Variants in SEL1L3 observed in about 807,000 individuals in gnomAD.
The protein encoded by SEL1L3 is SEL1L family member 3.
SEL1L3 carries 76 observed loss-of-function variants against 142.8 expected under a neutral mutation model. The ratio of observed to expected loss-of-function variants is 0.53; its 90% CI spans 0.44 to 0.64. The LOEUF is 0.64. SEL1L3 is among the 30% of genes least tolerant of loss of function. The pLI is 0.00. For missense variants in SEL1L3, 1,262 were observed against 1,381.7 expected (o/e 0.91, Z 1.37); for synonymous variants, 504 against 519.6 (o/e 0.97, Z 0.41).
chr4:25,761,066 C>T (rs193133767), intron 20 of SEL1L3, among the ~76,000 whole-genome samples: 8 of 152,238 alleles, frequency 5.3e-5, no homozygotes, highest in Admixed American at 4.6e-4. Context: ...CGTTAAGTAT[C>T]TTTAAGATGC....
At chr4:25,795,639 G>A (rs1248539116) in intron 11 of SEL1L3, among the ~76,000 whole-genome samples, 1 of 152,176 alleles carries the variant, frequency 6.6e-6, no homozygotes, top group Non-Finnish European at 1.5e-5. Context: ...CAGCCAGTGA[G>A]TAGCAGACCC....
rs754813896 is a variant in SEL1L3 at position 25,784,290 on chromosome 4, C to T, written c.2218G>A (p.Gly740Ser). The stretch of plus-strand genomic sequence containing the variant: ...CGTCTGTTCTTTTTTACTCCTTGAC[C>T]CTAAACATTGATAAACAGCGATGAT... Reference protein sequence around the residue: ...IYDYAIVLFKGQGVKKNRRLA... With the variant: ...IYDYAIVLFKSQGVKKNRRLA... Residue 740 changes from glycine to serine, a missense_variant and splice_region_variant, in exon 14 of 24, where the codon GGT becomes AGT. This residue lies in a region of SEL1L3 where 435 missense variants were observed against 559.2 expected (regional missense o/e 0.78). Transcript: ENST00000399878. 1 of 1,612,894 alleles carries T rather than the reference C, an allele frequency of 6.2e-7. No individual in the cohort carries two copies. The highest frequency in any genetic ancestry group is 1.1e-5 in the South Asian group (1 of 91,054).
intron 6 of SEL1L3, among the ~76,000 whole-genome samples, chr4:25,823,976 G>C (rs2109265816): frequency 6.6e-6 from 1 of 152,288 alleles, no homozygotes; most frequent in Non-Finnish European, 1.5e-5. Context: ...GGCAGCAACA[G>C]CTGACAGCAG....
At chr4:25,735,412 A>G in the SEL1L3 span, among the ~76,000 whole-genome samples, 67 of 152,012 alleles carry the variant, frequency 4.4e-4, no homozygotes, top group Non-Finnish European at 8.7e-4. Flanking sequence ...GATATTGGGA[A>G]TTTTGTGTCT....
At chr4:25,761,688 A>G (rs1309070383) in intron 20 of SEL1L3, among the ~76,000 whole-genome samples, 1 of 152,268 alleles carries the variant, frequency 6.6e-6, no homozygotes, top group African/African-American at 2.4e-5. Context: ...AAATGTAAAA[A>G]GTAAATTATC....
chr4:25,810,426 C>T (rs1713944000), intron 9 of SEL1L3, among the ~76,000 whole-genome samples: 3 of 152,140 alleles, frequency 2.0e-5, no homozygotes, highest in African/African-American at 7.2e-5. Flanking sequence ...TGCCAGAGCC[C>T]CATTCAAAGG....
chr4:25,863,231 C>A (rs1350618835), upstream of SEL1L3, among the ~76,000 whole-genome samples: 1 of 115,854 alleles, frequency 8.6e-6, no homozygotes, highest in Non-Finnish European at 1.9e-5. Context: ...GCGCACCCCC[C>A]TTTCCCTTTC....
At chr4:25,795,958 G>A (rs1577617134) in intron 11 of SEL1L3, among the ~76,000 whole-genome samples, 1 of 152,090 alleles carries the variant, frequency 6.6e-6, no homozygotes, top group African/African-American at 2.4e-5. Flanking sequence ...GGTGTGTGGG[G>A]TAGGGGCAGA....
intron 11 of SEL1L3, among the ~76,000 whole-genome samples, chr4:25,793,682 C>T (rs1247161715): frequency 6.6e-6 from 1 of 152,146 alleles, no homozygotes; most frequent in Non-Finnish European, 1.5e-5. Context: ...AGGCCTTGGG[C>T]TCGTTACTTT....
chr4:25,807,672 C>T (rs896596643), intron 9 of SEL1L3, among the ~76,000 whole-genome samples: 9 of 152,058 alleles, frequency 5.9e-5, no homozygotes, highest in African/African-American at 2.2e-4. Context: ...TTTGTAGGCT[C>T]AGAGGAGGAA....
intron 16 of SEL1L3, chr4:25,776,562 T>G: frequency 1.9e-6 from 1 of 537,080 alleles, no homozygotes; most frequent in Non-Finnish European, 3.3e-6. Context: ...TTATGAATGA[T>G]TAGGAGTTGT....
intron 23 of SEL1L3, among the ~76,000 whole-genome samples, chr4:25,751,163 A>G (rs778156530): frequency 5.9e-5 from 9 of 152,138 alleles, no homozygotes; most frequent in Non-Finnish European, 8.8e-5. Context: ...GGCTCCAGAC[A>G]TATACTTTGG....
chr4:25,779,002 CT>C (rs1224479243), intron 16 of SEL1L3, 73 bp downstream of exon 16: 29 of 1,387,902 alleles, frequency 2.1e-5, no homozygotes, highest in East Asian at 2.0e-4. Flanking sequence ...AAGAACTCAA[CT>C]TAAAAAATGC....
At chr4:25,796,469 A>G (rs893457170) in intron 11 of SEL1L3, among the ~76,000 whole-genome samples, 1 of 152,082 alleles carries the variant, frequency 6.6e-6, no homozygotes, top group Non-Finnish European at 1.5e-5. Flanking sequence ...GTGTGTGTAA[A>G]ATTTTAAAAA....
At chr4:25,732,605 C>CT in the SEL1L3 span, among the ~76,000 whole-genome samples, 2 of 152,086 alleles carry the variant, frequency 1.3e-5, no homozygotes, top group African/African-American at 2.4e-5. Flanking sequence ...TTTCAATGTA[C>CT]TTTTTTGCCA....
chr4:25,717,383 G>A, the SEL1L3 span, among the ~76,000 whole-genome samples: 1 of 152,042 alleles, frequency 6.6e-6, no homozygotes, highest in Non-Finnish European at 1.5e-5. Flanking sequence ...ACCAATGATT[G>A]TGCAGGGCAC....
At chr4:25,750,234 CA>C (rs10718046) in intron 23 of SEL1L3, among the ~76,000 whole-genome samples, 38,787 of 100,518 alleles carry the variant, frequency 0.39, 4,859 homozygotes, top group African/African-American at 0.5. Context: ...GACTCCATCT[CA>C]AAAAAAAAAA....
intron 9 of SEL1L3, among the ~76,000 whole-genome samples, chr4:25,808,080 G>A (rs1713721508): frequency 6.6e-6 from 1 of 152,190 alleles, no homozygotes; most frequent in Non-Finnish European, 1.5e-5. Flanking sequence ...AAGGCATAAT[G>A]TCTTGGGTGA....
At chr4:25,761,139 T>G (rs188561579) in intron 20 of SEL1L3, among the ~76,000 whole-genome samples, 2 of 152,212 alleles carry the variant, frequency 1.3e-5, no homozygotes, top group Non-Finnish European at 2.9e-5. Context: ...AGGAAGGCAC[T>G]CTTAAAATTT....
Sources: gnomAD v4.1 joint callset for allele counts (sites outside exome capture counted in the v4.1 genomes callset) on GRCh38, gnomAD v4.1.1 for gene constraint, gnomAD v4.1.1 regional missense constraint, MANE v1.5 for transcripts, NCBI Gene and HGNC (gene_info 2026-07-23, HGNC 2026-07-21) for gene names.